Variants in ARHGAP26 observed in about 807,000 individuals in gnomAD.
The protein encoded by ARHGAP26 is Rho GTPase activating protein 26, also known as rho GTPase-activating protein 26.
In ARHGAP26, 38 loss-of-function variants were observed where a neutral mutation model predicts 104.8. That is an observed-to-expected ratio of 0.36 (90% CI 0.28 to 0.48). The LOEUF (loss-of-function observed/expected upper bound fraction) is 0.48. Ranked by LOEUF, ARHGAP26 falls within the 20% of genes least tolerant of loss-of-function variation. The probability of loss-of-function intolerance (pLI) is 0.99; values close to 1 mark genes in which losing one functional copy is unlikely to be tolerated. For missense variants in ARHGAP26, 704 were observed against 947.9 expected, an observed-to-expected ratio of 0.74 and a Z score of 3.38; for synonymous variants, 341 against 340.0, an observed-to-expected ratio of 1.00 and a Z score of -0.03.
intron 10 of ARHGAP26, among the ~76,000 whole-genome samples, chr5:142,927,330 CA>C (rs35376912): frequency 0.38 from 51,643 of 134,398 alleles, 9,520 homozygotes; most frequent in East Asian, 0.73. Flanking sequence ...TATCTCTTTT[CA>C]AAAAAAAAAA....
intron 17 of ARHGAP26, among the ~76,000 whole-genome samples, chr5:143,065,151 T>A (rs964464060): frequency 1.3e-5 from 2 of 152,148 alleles, no homozygotes; most frequent in Non-Finnish European, 2.9e-5. Flanking sequence ...TGAGAGAGTA[T>A]CAGCAAACAT....
At chr5:143,176,836 T>C (rs1426105152) in intron 20 of ARHGAP26, among the ~76,000 whole-genome samples, 3 of 152,230 alleles carry the variant, frequency 2.0e-5, no homozygotes, top group East Asian at 1.9e-4. Flanking sequence ...TTCATCGTTA[T>C]GCAATTTTCA....
chr5:142,920,422 G>A (rs923552922), intron 10 of ARHGAP26, among the ~76,000 whole-genome samples: 23 of 152,342 alleles, frequency 1.5e-4, no homozygotes, highest in African/African-American at 5.3e-4. Flanking sequence ...ATTTCTCACA[G>A]ATGTAAGTGA....
chr5:142,944,038 T>C (rs1766756377), intron 11 of ARHGAP26, among the ~76,000 whole-genome samples: 1 of 152,224 alleles, frequency 6.6e-6, no homozygotes, highest in African/African-American at 2.4e-5. Flanking sequence ...ATCTAAAGAA[T>C]GACTTTTTCT....
chr5:142,975,695 C>G (rs998934035), intron 11 of ARHGAP26, among the ~76,000 whole-genome samples: 1 of 152,096 alleles, frequency 6.6e-6, no homozygotes, highest in African/African-American at 2.4e-5. Context: ...CCTAAGATTG[C>G]AGTGTGTATA....
intron 17 of ARHGAP26, among the ~76,000 whole-genome samples, chr5:143,058,905 A>G (rs1016026934): frequency 2.0e-5 from 3 of 152,232 alleles, no homozygotes; most frequent in Admixed American, 1.3e-4. Context: ...TTGGCTTTCC[A>G]TATCAGAGCT....
chr5:142,815,569 C>A (rs1211225641), intron 1 of ARHGAP26, among the ~76,000 whole-genome samples: 1 of 152,186 alleles, frequency 6.6e-6, no homozygotes, highest in Non-Finnish European at 1.5e-5. Context: ...TTATTCACTG[C>A]ACACATTTAT....
intron 19 of ARHGAP26, among the ~76,000 whole-genome samples, chr5:143,138,646 A>G (rs1798169917): frequency 6.6e-6 from 1 of 152,170 alleles, no homozygotes; most frequent in African/African-American, 2.4e-5. Flanking sequence ...TGCGGAGAGA[A>G]CTGTAGAAAG....
intron 1 of ARHGAP26, among the ~76,000 whole-genome samples, chr5:142,847,621 TG>T (rs1772285481): frequency 6.6e-6 from 1 of 152,056 alleles, no homozygotes; most frequent in Admixed American, 6.5e-5. Context: ...CCTCCCAAAG[TG>T]CTGGGATTAT....
At chr5:142,830,403 G>A (rs959618661) in intron 1 of ARHGAP26, among the ~76,000 whole-genome samples, 1 of 152,108 alleles carries the variant, frequency 6.6e-6, no homozygotes, top group African/African-American at 2.4e-5. Context: ...AGTTGCGGTG[G>A]AGGGTAGGAA....
At chr5:143,214,154 CTG>C (rs1467180230) in intron 22 of ARHGAP26, 66 bp downstream of exon 22, 1 of 893,238 alleles carries the variant, frequency 1.1e-6, no homozygotes, top group Non-Finnish European at 1.8e-6. Flanking sequence ...ACATAAATAA[CTG>C]GCATTTTCAA....
At chr5:143,038,684 CTTTTTTTTTTTTTTT>C (rs60428049) in intron 13 of ARHGAP26, among the ~76,000 whole-genome samples, 5 of 64,384 alleles carry the variant, frequency 7.8e-5, no homozygotes, top group African/African-American at 3.3e-4. Context: ...GACATACGGC[CTTTTTTTTTTTTTTT>C]TTTTTTTTTT....
intron 12 of ARHGAP26, among the ~76,000 whole-genome samples, chr5:143,034,314 T>G (rs1782312131): frequency 6.6e-6 from 1 of 152,176 alleles, no homozygotes; most frequent in Admixed American, 6.5e-5. Flanking sequence ...CATAGTAACA[T>G]TATTCACAAC....
At chr5:142,992,872 G>T (rs1240495362) in intron 11 of ARHGAP26, among the ~76,000 whole-genome samples, 1 of 152,182 alleles carries the variant, frequency 6.6e-6, no homozygotes, top group African/African-American at 2.4e-5. Flanking sequence ...TAACCTTCTT[G>T]GGGTGAGCAC....
At chr5:142,929,662 TCCTGGTTA>T (rs758859989) in intron 10 of ARHGAP26, among the ~76,000 whole-genome samples, 1 of 152,242 alleles carries the variant, frequency 6.6e-6, no homozygotes, top group Non-Finnish European at 1.5e-5. Context: ...CTGTTGACTT[TCCTGGTTA>T]CCAAGGCCAA....
chr5:143,126,134 T>C (rs1196310267), intron 18 of ARHGAP26, among the ~76,000 whole-genome samples: 1 of 152,246 alleles, frequency 6.6e-6, no homozygotes, highest in Non-Finnish European at 1.5e-5. Flanking sequence ...TAAAGTGTTA[T>C]GGCATCACTG....
At chr5:142,831,880 A>G (rs1426614362) in intron 1 of ARHGAP26, among the ~76,000 whole-genome samples, 1 of 151,958 alleles carries the variant, frequency 6.6e-6, no homozygotes, top group Non-Finnish European at 1.5e-5. Flanking sequence ...CAACATAGCT[A>G]CCTACATAGC....
chr5:143,068,094 GGCAGAGGTT>G (rs1392215262), intron 17 of ARHGAP26, among the ~76,000 whole-genome samples: 1 of 152,200 alleles, frequency 6.6e-6, no homozygotes, highest in Admixed American at 6.5e-5. Flanking sequence ...AGCCCAGGGA[GGCAGAGGTT>G]GCAGTGAGCC....
At chr5:142,996,139 A>G (rs1198340930) in intron 11 of ARHGAP26, among the ~76,000 whole-genome samples, 1 of 152,158 alleles carries the variant, frequency 6.6e-6, no homozygotes, top group Non-Finnish European at 1.5e-5. Context: ...ATGTATACCT[A>G]TGTAACAAAC....
Sources: allele counts gnomAD v4.1 joint callset (sites outside exome capture counted in the v4.1 genomes callset), GRCh38; gene constraint gnomAD v4.1.1; transcripts MANE v1.5; gene names NCBI Gene and HGNC (gene_info 2026-07-23, HGNC 2026-07-21).